The following STXBP5L variants were observed in gnomAD, a reference collection of about 807,000 sequenced individuals.
STXBP5L encodes syntaxin binding protein 5L.
In STXBP5L, 65 loss-of-function variants were observed where a neutral mutation model predicts 144.5. The ratio of observed to expected loss-of-function variants is 0.45; its 90% confidence interval spans 0.37 to 0.55. STXBP5L has a LOEUF of 0.55. STXBP5L is among the 20% of genes least tolerant of loss of function. The pLI is 0.00. For synonymous variants in STXBP5L, 505 were observed against 469.6 expected, an observed-to-expected ratio of 1.08 and a Z score of -0.97; for missense variants, 1,298 against 1,405.5, an observed-to-expected ratio of 0.92 and a Z score of 1.22.
intron 3 of STXBP5L, among the ~76,000 whole-genome samples, chr3:120,984,974 A>G (rs1274327312): frequency 6.6e-6 from 1 of 152,092 alleles, no homozygotes; most frequent in African/African-American, 2.4e-5. Flanking sequence ...ATCAATATTC[A>G]TATGTTGAAC....
At chr3:121,250,117 C>T (rs1378874056) in intron 14 of STXBP5L, among the ~76,000 whole-genome samples, 1 of 151,826 alleles carries the variant, frequency 6.6e-6, no homozygotes, top group Non-Finnish European at 1.5e-5. Flanking sequence ...AATTTTTATG[C>T]CTATTCTCAT....
At chr3:120,949,175 T>C (rs1199678259) in intron 2 of STXBP5L, among the ~76,000 whole-genome samples, 1 of 152,010 alleles carries the variant, frequency 6.6e-6, no homozygotes, top group Non-Finnish European at 1.5e-5. Context: ...TTGAGCATTT[T>C]TCATGTTTGT....
chr3:120,999,925 T>C (rs77893332), intron 3 of STXBP5L, among the ~76,000 whole-genome samples: 97 of 152,218 alleles, frequency 6.4e-4, no homozygotes, highest in African/African-American at 2.3e-3. Context: ...TTAATGATGT[T>C]GAATATAGGC....
chr3:121,043,772 G>C (rs1947320938), intron 4 of STXBP5L, among the ~76,000 whole-genome samples: 1 of 152,120 alleles, frequency 6.6e-6, no homozygotes, highest in Non-Finnish European at 1.5e-5. Context: ...AGGTATTACT[G>C]TAAGATATTA....
At chr3:121,045,015 G>T (rs1466418182) in intron 4 of STXBP5L, among the ~76,000 whole-genome samples, 2 of 152,062 alleles carry the variant, frequency 1.3e-5, no homozygotes, top group African/African-American at 2.4e-5. Context: ...TTGCAAAGGA[G>T]AATTTTTATA....
In STXBP5L at chr3:121,110,172, T is replaced by C. The variant is rs1324826122; in HGVS notation, c.471-4753T>C. On this transcript the variant is annotated intron_variant, in intron 5 of 26. Transcript: ENST00000471454. ...TTGACTCTTTACCAGCTTGCCATTC[T>C]GTGTCTTTTAATTGGGGCATTTAGC... is the stretch of plus-strand genomic sequence containing the variant. 2.0e-5 allele frequency among the ~76,000 whole-genome samples: 3 copies of C among 152,184 alleles called. No individual in the cohort carries two copies. The East Asian group carries it at 5.8e-4, about 29-fold the overall frequency.
chr3:121,301,367 A>C (rs1295826961), intron 19 of STXBP5L, among the ~76,000 whole-genome samples: 1 of 152,138 alleles, frequency 6.6e-6, no homozygotes, highest in Non-Finnish European at 1.5e-5. Context: ...GGTGTATAAG[A>C]ATGCTTGTGA....
At chr3:121,007,227 G>A (rs1485853658) in intron 3 of STXBP5L, among the ~76,000 whole-genome samples, 3 of 152,130 alleles carry the variant, frequency 2.0e-5, no homozygotes, top group East Asian at 3.9e-4. Context: ...TTACATTTCT[G>A]TGATAAGCCC....
chr3:120,934,356 A>G (rs1448287316), intron 2 of STXBP5L, among the ~76,000 whole-genome samples: 1 of 151,926 alleles, frequency 6.6e-6, no homozygotes, highest in Non-Finnish European at 1.5e-5. Flanking sequence ...ATGGTCTTAG[A>G]GCATACTTTG....
At chr3:121,098,255 G>C (rs1273956097) in intron 5 of STXBP5L, among the ~76,000 whole-genome samples, 1 of 152,156 alleles carries the variant, frequency 6.6e-6, no homozygotes, top group Non-Finnish European at 1.5e-5. Context: ...ACAGGAAGTG[G>C]GATGTCAGCA....
At chr3:121,347,564 A>T (rs1560002486) in intron 20 of STXBP5L, among the ~76,000 whole-genome samples, 2 of 152,062 alleles carry the variant, frequency 1.3e-5, no homozygotes, top group Non-Finnish European at 2.9e-5. Flanking sequence ...GGCCATTTTC[A>T]CGATATTGAT....
chr3:121,369,803 T>C (rs946793174), intron 20 of STXBP5L, among the ~76,000 whole-genome samples: 7 of 152,168 alleles, frequency 4.6e-5, no homozygotes, highest in Non-Finnish European at 1.0e-4. Flanking sequence ...GGGAATCTGA[T>C]GGTTATGTGT....
chr3:121,197,838 C>T (rs570618531), intron 9 of STXBP5L, among the ~76,000 whole-genome samples: 12 of 152,236 alleles, frequency 7.9e-5, no homozygotes, highest in East Asian at 5.8e-4. Flanking sequence ...TTCTATTTTA[C>T]GGTTGCATAG....
rs1577078057 is a variant in STXBP5L at position 121,157,399 on chromosome 3, T to C, written c.754-105T>C. ...GAAAAATTATGTTTTTTAAGTGTTG[T>C]TAGTATAATAATTTTATATCAGAAT... On this transcript the variant is annotated intron_variant, in intron 8 of 26. Coordinates refer to ENST00000471454, the MANE Select transcript of STXBP5L (RefSeq NM_001308330.2). 50 of 1,196,870 alleles carry C rather than the reference T, an allele frequency of 4.2e-5. 1 individual carries two copies. The East Asian group carries it at 1.6e-3, about 38-fold the overall frequency. 74.1% of individuals were successfully genotyped at this position (1,196,870 alleles called of 1,614,324 possible). A position where few individuals can be genotyped will look rare whatever the true frequency, so the allele number is the denominator to read the frequency against.
intron 5 of STXBP5L, among the ~76,000 whole-genome samples, chr3:121,066,180 A>G (rs546751716): frequency 6.6e-5 from 10 of 152,228 alleles, no homozygotes; most frequent in African/African-American, 2.2e-4. Flanking sequence ...TTTGTCCTCT[A>G]TAGGCCTCCA....
chr3:121,021,595 A>T (rs535228981), intron 3 of STXBP5L, among the ~76,000 whole-genome samples: 1 of 152,206 alleles, frequency 6.6e-6, no homozygotes, highest in Non-Finnish European at 1.5e-5. Flanking sequence ...ATATAACTGG[A>T]AATCATCTTC....
chr3:121,257,418 T>A, intron 17 of STXBP5L, 85 bp downstream of exon 17: 1 of 1,292,978 alleles, frequency 7.7e-7, no homozygotes, highest in Non-Finnish European at 1.1e-6. Flanking sequence ...TAATTTTCTC[T>A]TATTATCAAG....
At chr3:121,400,020 A>G (rs543285406) in intron 22 of STXBP5L, among the ~76,000 whole-genome samples, 81 of 152,362 alleles carry the variant, frequency 5.3e-4, no homozygotes, top group African/African-American at 1.8e-3. Context: ...AGATGTGCTG[A>G]GTCTACAAAA....
intron 3 of STXBP5L, among the ~76,000 whole-genome samples, chr3:121,034,499 T>C (rs1457613763): frequency 6.6e-6 from 1 of 152,082 alleles, no homozygotes; most frequent in Non-Finnish European, 1.5e-5. Flanking sequence ...ATTATATATC[T>C]CTCTATATAG....
Sources: allele counts gnomAD v4.1 joint callset (sites outside exome capture counted in the v4.1 genomes callset), GRCh38; gene constraint gnomAD v4.1.1; transcripts MANE v1.5; gene names NCBI Gene and HGNC (gene_info 2026-07-23, HGNC 2026-07-21).